SLC22A3: variants seen among roughly 807,000 people sequenced by gnomAD.
SLC22A3 encodes the protein solute carrier family 22 member 3, also known as EMT organic cation transporter 3.
SLC22A3 carries 51 observed loss-of-function variants against 59.1 expected under a neutral mutation model. The ratio of observed to expected loss-of-function variants is 0.86; its 90% CI spans 0.69 to 1.09. The LOEUF (loss-of-function observed/expected upper bound fraction) is 1.09, where lower values mean the gene tolerates loss of function less well. Ranked by LOEUF, SLC22A3 falls within the 50% of genes least tolerant of loss-of-function variation. SLC22A3 has a pLI of 0.00. For missense variants in SLC22A3, 711 were observed against 726.3 expected (o/e 0.98, Z 0.24); for synonymous variants, 325 against 292.0 (o/e 1.11, Z -1.15).
At chr6:160,442,642 C>A in intron 7 of SLC22A3, 119 bp from the exon 8 acceptor site, 1 of 754,300 alleles carries the variant, frequency 1.3e-6, no homozygotes, top group Middle Eastern at 2.3e-4. Context: ...ATCATTTGTG[C>A]TTAAAATTGG....
At chr6:160,437,988 C>T (rs1788411152) in intron 7 of SLC22A3, among the ~76,000 whole-genome samples, 1 of 152,064 alleles carries the variant, frequency 6.6e-6, no homozygotes, top group Non-Finnish European at 1.5e-5. Context: ...TGCAGGTGGT[C>T]CTGTGAGCTT....
At chr6:160,450,474 AAC>A (rs1219151491) in intron 10 of SLC22A3, among the ~76,000 whole-genome samples, 1 of 151,890 alleles carries the variant, frequency 6.6e-6, no homozygotes, top group African/African-American at 2.4e-5. Context: ...ATATTGTTCA[AAC>A]ACACATGTTT....
chr6:160,419,703 A>T (rs1787649414), intron 5 of SLC22A3, among the ~76,000 whole-genome samples: 1 of 152,212 alleles, frequency 6.6e-6, no homozygotes, highest in African/African-American at 2.4e-5. Context: ...GAATGGTGCC[A>T]ATTCTACCAG....
intron 7 of SLC22A3, among the ~76,000 whole-genome samples, chr6:160,442,292 C>T (rs561923463): frequency 3.9e-5 from 6 of 152,298 alleles, no homozygotes; most frequent in African/African-American, 9.6e-5. Flanking sequence ...GGTCAGCTCA[C>T]GTGAGGAACT....
chr6:160,408,692 G>C, intron 3 of SLC22A3, 61 bp from the exon 4 acceptor site: 5 of 1,530,362 alleles, frequency 3.3e-6, no homozygotes, highest in Non-Finnish European at 4.5e-6. Flanking sequence ...CTCTGTATTT[G>C]TTTGTTTATT....
chr6:160,423,062 A>G (rs1384697112), intron 5 of SLC22A3, among the ~76,000 whole-genome samples: 1 of 151,940 alleles, frequency 6.6e-6, no homozygotes, highest in Non-Finnish European at 1.5e-5. Flanking sequence ...ATTCCCACCT[A>G]TGAGTGAGAA....
At chr6:160,390,618 T>A (rs1418785929) in intron 1 of SLC22A3, among the ~76,000 whole-genome samples, 1 of 152,016 alleles carries the variant, frequency 6.6e-6, no homozygotes, top group African/African-American at 2.4e-5. Flanking sequence ...GGGAATGAGA[T>A]GAGTGAGCCA....
chr6:160,375,938 T>C (rs1785573626), intron 1 of SLC22A3, among the ~76,000 whole-genome samples: 1 of 152,072 alleles, frequency 6.6e-6, no homozygotes, highest in South Asian at 2.1e-4. Flanking sequence ...AAGTCTTGGG[T>C]TTCTCACCTG....
At chr6:160,397,085 C>T (rs1474577310) in intron 1 of SLC22A3, among the ~76,000 whole-genome samples, 2 of 152,124 alleles carry the variant, frequency 1.3e-5, no homozygotes, top group Admixed American at 1.3e-4. Flanking sequence ...CCATCCCTTC[C>T]TTTTTGGCAC....
At chr6:160,362,109 C>T (rs1181823738) in intron 1 of SLC22A3, among the ~76,000 whole-genome samples, 2 of 152,204 alleles carry the variant, frequency 1.3e-5, no homozygotes, top group African/African-American at 4.8e-5. Context: ...TGTCACCTGG[C>T]TGCAAAACAG....
chr6:160,439,550 A>T (rs1230626671), intron 7 of SLC22A3, among the ~76,000 whole-genome samples: 1 of 152,228 alleles, frequency 6.6e-6, no homozygotes, highest in Non-Finnish European at 1.5e-5. Context: ...AGACAGAAGT[A>T]ACTAGCCGGA....
chr6:160,426,037 C>A, intron 5 of SLC22A3: 4 of 985,392 alleles, frequency 4.1e-6, no homozygotes, highest in Non-Finnish European at 4.8e-6. Context: ...CAATGAGTTA[C>A]CATGTGCAGA....
chr6:160,451,117 T>G lies in SLC22A3; in HGVS notation c.*61T>G. 6.7e-7 allele frequency: 1 copy of G among 1,483,998 alleles called. No homozygotes were observed. The highest frequency in any genetic ancestry group is 9.3e-7 in the Non-Finnish European group (1 of 1,078,908). 91.9% of individuals were successfully genotyped at this position (1,483,998 alleles called of 1,614,324 possible). A position where few individuals can be genotyped will look rare whatever the true frequency, so the allele number is the denominator to read the frequency against. ...GGAGCTGATCCTCCTTGCAAAGCTG[T>G]GCCTTGCAGAGATGCACGTGTGCAT... On this transcript the variant is annotated 3_prime_UTR_variant, in exon 11 of 11. Transcript: ENST00000275300.
At chr6:160,450,112 T>G (rs1331565381) in intron 10 of SLC22A3, among the ~76,000 whole-genome samples, 1 of 152,136 alleles carries the variant, frequency 6.6e-6, no homozygotes, top group Non-Finnish European at 1.5e-5. Flanking sequence ...TGACCTCAAA[T>G]TTACCAGGGC....
chr6:160,375,504 G>A (rs1785557680), intron 1 of SLC22A3, among the ~76,000 whole-genome samples: 1 of 151,780 alleles, frequency 6.6e-6, no homozygotes, highest in Non-Finnish European at 1.5e-5. Flanking sequence ...CTGCCAAAGT[G>A]GTGTGTAGAG....
chr6:160,365,006 A>G (rs117794782), intron 1 of SLC22A3, among the ~76,000 whole-genome samples: 1 of 152,266 alleles, frequency 6.6e-6, no homozygotes, highest in East Asian at 1.9e-4. Flanking sequence ...ATACACTTAC[A>G]TAGTAAGTAT....
At chr6:160,412,607 C>T (rs1267779846) in intron 5 of SLC22A3, among the ~76,000 whole-genome samples, 1 of 152,170 alleles carries the variant, frequency 6.6e-6, no homozygotes, top group African/African-American at 2.4e-5. Context: ...TTTTAAACCA[C>T]TATGATTAGT....
intron 4 of SLC22A3, 37 bp downstream of exon 4, chr6:160,408,958 T>C (rs1276553402): frequency 6.3e-7 from 1 of 1,585,374 alleles, no homozygotes; most frequent in African/African-American, 1.3e-5. Context: ...TTTATACTGA[T>C]TCTGCAGAAA....
rs1476184395 is a variant in SLC22A3 at position 160,365,309 on chromosome 6, T to C, written c.429+16461T>C. On this transcript the variant is annotated intron_variant, in intron 1 of 10. Transcript: ENST00000275300. The stretch of plus-strand genomic sequence containing the variant: ...GTTTTGTGACTCACCCAAGTTAAGA[T>C]GTCATGAAAAATTGTTTCCTTGCAA... 2.0e-5 allele frequency among the ~76,000 whole-genome samples: 3 copies of C among 152,184 alleles called. No homozygotes were observed. The East Asian group carries it at 5.8e-4, about 29-fold the overall frequency.
Sources: allele counts gnomAD v4.1 joint callset (sites outside exome capture counted in the v4.1 genomes callset), GRCh38; gene constraint gnomAD v4.1.1; transcripts MANE v1.5; gene names NCBI Gene and HGNC (gene_info 2026-07-23, HGNC 2026-07-21).